SLC2A2: variants seen among roughly 807,000 people sequenced by gnomAD.
SLC2A2 encodes solute carrier family 2, facilitated glucose transporter member 2.
A neutral mutation model predicts 54.5 loss-of-function variants in SLC2A2; 36 were observed. The ratio of observed to expected loss-of-function variants is 0.66; its 90% confidence interval spans 0.51 to 0.87. The LOEUF (loss-of-function observed/expected upper bound fraction) is 0.87, where lower values mean the gene tolerates loss of function less well. Among genes scored for constraint, SLC2A2 ranks in the 40% least tolerant of loss-of-function variants. The pLI is 0.00. For missense variants in SLC2A2, 543 were observed against 624.3 expected, an observed-to-expected ratio of 0.87 and a Z score of 1.39; for synonymous variants, 223 against 219.1, an observed-to-expected ratio of 1.02 and a Z score of -0.16.
Position 170,997,727 on chromosome 3 carries a change from T to C in SLC2A2, c.*176A>G. ...AATTACAGTCTTACCATCAAAAATA[T>C]ATTCTCTAACTTAAAAAAATACTTT... On this transcript the variant is annotated 3_prime_UTR_variant, in exon 11 of 11. Coordinates refer to ENST00000314251, the MANE Select transcript of SLC2A2 (RefSeq NM_000340.2). The C allele has an allele frequency of 3.2e-6, 2 of 631,472 alleles. No homozygotes were observed. Among genetic ancestry groups the C allele is most frequent in the African/African-American group, 1.8e-5 (1 of 54,390 alleles). 39.1% of individuals were successfully genotyped at this position (631,472 alleles called of 1,614,324 possible). A position where few individuals can be genotyped will look rare whatever the true frequency, so the allele number is the denominator to read the frequency against.
intron 3 of SLC2A2, among the ~76,000 whole-genome samples, chr3:171,013,200 A>G (rs1715970565): frequency 6.6e-6 from 1 of 152,148 alleles, no homozygotes; most frequent in Non-Finnish European, 1.5e-5. Flanking sequence ...GTCTGAGCCC[A>G]CTTGCTAGGA....
rs12488694 is a variant in SLC2A2, at chr3:171,026,572, C to T, written c.15+84G>A. Reference sequence around the variant, plus strand: ...ATCTGTGGTAGCTACACCCAACCTCCCCCAAATCCTCTGTATGACTTGACT... The same window carrying T: ...ATCTGTGGTAGCTACACCCAACCTCTCCCAAATCCTCTGTATGACTTGACT... On this transcript the variant is annotated intron_variant, in intron 1 of 10. Transcript: ENST00000314251. 26,657 of 1,154,786 alleles carry T rather than the reference C, an allele frequency of 0.023. 519 individuals carry two copies. The highest frequency in any genetic ancestry group is 0.082 in the African/African-American group (5,382 of 66,022). 71.5% of individuals were successfully genotyped at this position (1,154,786 alleles called of 1,614,324 possible).
intron 7 of SLC2A2, among the ~76,000 whole-genome samples, chr3:171,004,365 T>G (rs1715483680): frequency 6.6e-6 from 1 of 151,978 alleles, no homozygotes; most frequent in Admixed American, 6.6e-5. Context: ...TTAATAAAAA[T>G]AAACATCAAG....
chr3:171,001,539 G>A (rs1408832012), intron 8 of SLC2A2, among the ~76,000 whole-genome samples: 2 of 151,926 alleles, frequency 1.3e-5, no homozygotes, highest in African/African-American at 4.8e-5. Context: ...ATCACCCTAA[G>A]GTAATAGTTA....
chr3:171,008,453 A>T, intron 4 of SLC2A2, among the ~76,000 whole-genome samples: 1 of 152,128 alleles, frequency 6.6e-6, no homozygotes. Flanking sequence ...ACAGGTCTGA[A>T]GTCACATGAA....
chr3:171,010,772 T>A (rs1715844454), intron 3 of SLC2A2, among the ~76,000 whole-genome samples: 1 of 152,128 alleles, frequency 6.6e-6, no homozygotes, highest in African/African-American at 2.4e-5. Flanking sequence ...CCAAAATCTA[T>A]AAATTATTAG....
In SLC2A2 at chr3:171,002,651, C is replaced by T. The variant is rs1715394199; in HGVS notation, c.993G>A (p.Gln331=). ...GIFYYSTSIF[Q]TAGISKPVYA... ...AAACAGGTTTGCTGATACCAGCCGTCTGAAAAATGCTGGTTGAGTAGTAAA... is the reference window on the plus strand; with the variant it reads ...AAACAGGTTTGCTGATACCAGCCGTTTGAAAAATGCTGGTTGAGTAGTAAA... The change falls in exon 8 of 11, where the codon CAG becomes CAA. Residue 331 remains glutamine, a synonymous_variant. Coordinates refer to ENST00000314251, the MANE Select transcript of SLC2A2 (RefSeq NM_000340.2). 2 of 1,608,452 alleles carry T rather than the reference C, an allele frequency of 1.2e-6. No individual in the cohort carries two copies. Among genetic ancestry groups the T allele is most frequent in the African/African-American group, 2.7e-5 (2 of 74,872 alleles).
At position 170,996,675 on chromosome 3, in the gene SLC2A2, G is replaced by A. The variant is rs181123140; in HGVS notation, c.*1228C>T. The A allele has an allele frequency of 1.0e-5, 4 of 397,908 alleles. No homozygotes were observed. The highest frequency in any genetic ancestry group is 3.6e-5 in the East Asian group (1 of 28,040). The allele number at this position is 397,908 out of a possible 1,614,324, so 24.6% of individuals were successfully genotyped here. On this transcript the variant is annotated 3_prime_UTR_variant, in exon 11 of 11. Coordinates refer to ENST00000314251, the MANE Select transcript of SLC2A2 (RefSeq NM_000340.2). Reference sequence around the variant, plus strand: ...TTCCAATTTGCCTATGTAGGTAAAGGCAGATAGATAGTGTACAATGCGTGT... The same window carrying A: ...TTCCAATTTGCCTATGTAGGTAAAGACAGATAGATAGTGTACAATGCGTGT...
At position 171,005,471 on chromosome 3, in the gene SLC2A2, G is replaced by T. The variant is rs777225980; in HGVS notation, c.777C>A (p.Ser259Arg). The part of the protein sequence containing the change: ...KLDEEVKAKQ[S>R]LKRLRGYDDV... ...CATCATATCCTCTGAGTCTTTTCAA[G>T]CCTGTCCAAGAAAATGATCAGGTTG... is the stretch of plus-strand genomic sequence containing the variant. Residue 259 changes from serine to arginine, a missense_variant and splice_region_variant, in exon 7 of 11, where the codon AGC becomes AGA. Ser to Arg is a moderately radical substitution (Grantham distance 110, BLOSUM62 -1). Transcript: ENST00000314251. 1.2e-6 allele frequency: 2 copies of T among 1,611,052 alleles called. No individual in the cohort carries two copies. Among genetic ancestry groups the T allele is most frequent in the Non-Finnish European group, 1.7e-6 (2 of 1,178,210 alleles).
intron 8 of SLC2A2, among the ~76,000 whole-genome samples, chr3:171,001,940 GA>G (rs1472758681): frequency 6.6e-6 from 1 of 150,882 alleles, no homozygotes; most frequent in African/African-American, 2.4e-5. Context: ...TTTGTTGGAA[GA>G]AAACAATAAC....
intron 1 of SLC2A2, among the ~76,000 whole-genome samples, chr3:171,025,447 A>G (rs1021303844): frequency 6.6e-6 from 1 of 151,914 alleles, no homozygotes; most frequent in Non-Finnish European, 1.5e-5. Flanking sequence ...TTACTCCCTA[A>G]CTCTAAAGTA....
intron 3 of SLC2A2, 107 bp from the exon 4 acceptor site, chr3:171,010,189 A>G: frequency 8.4e-7 from 1 of 1,192,812 alleles, no homozygotes; most frequent in Non-Finnish European, 1.2e-6. Context: ...CAATTATTTT[A>G]ATTTTGCTGT....
chr3:171,023,507 T>C (rs1427091417), intron 1 of SLC2A2, among the ~76,000 whole-genome samples: 1 of 152,168 alleles, frequency 6.6e-6, no homozygotes, highest in Non-Finnish European at 1.5e-5. Context: ...GGAGGTTTTG[T>C]TTCTAAGGGG....
At chr3:171,017,349 G>A (rs891001966) in intron 2 of SLC2A2, among the ~76,000 whole-genome samples, 25 of 152,116 alleles carry the variant, frequency 1.6e-4, no homozygotes, top group African/African-American at 6.0e-4. Flanking sequence ...ACTATGCCCT[G>A]GATCTCTCAG....
chr3:171,021,214 A>T (rs1028056861), intron 1 of SLC2A2, among the ~76,000 whole-genome samples: 3 of 152,110 alleles, frequency 2.0e-5, no homozygotes, highest in African/African-American at 7.2e-5. Flanking sequence ...AAGGATAGGG[A>T]TTTTCATCCT....
rs1008530304 is a variant in SLC2A2 at position 170,997,853 on chromosome 3, A to G, written c.*50T>C. Reference sequence around the variant, plus strand: ...GCTCAAGGAATCATCATTTAAAAACAGACGGTTCCCTTATTGTTTCTGTTC... The same window carrying G: ...GCTCAAGGAATCATCATTTAAAAACGGACGGTTCCCTTATTGTTTCTGTTC... On this transcript the variant is annotated 3_prime_UTR_variant, in exon 11 of 11. Transcript: ENST00000314251. 8 of 1,454,056 alleles carry G rather than the reference A, an allele frequency of 5.5e-6. No homozygotes were observed. Among genetic ancestry groups the G allele is most frequent in the Non-Finnish European group, 7.7e-6 (8 of 1,041,348 alleles). The allele number at this position is 1,454,056 out of a possible 1,614,324, so 90.1% of individuals were successfully genotyped here.
chr3:171,019,904 G>A (rs1215627632), intron 1 of SLC2A2, among the ~76,000 whole-genome samples: 2 of 152,198 alleles, frequency 1.3e-5, no homozygotes, highest in African/African-American at 2.4e-5. Context: ...GGAATGTGAG[G>A]TTGGAGAAGG....
rs1715079595 is a variant in SLC2A2 at position 170,996,473 on chromosome 3, C to A, written c.*1430G>T. The A allele has an allele frequency of 2.5e-6, 1 of 395,356 alleles. No homozygotes were observed. The highest frequency in any genetic ancestry group is 1.4e-4 in the South Asian group (1 of 7,232). The allele number at this position is 395,356 out of a possible 1,614,324, so 24.5% of individuals were successfully genotyped here. ...CTTAAAGAGTACTTTTTAAAAAGTG[C>A]TTTTCTTCAATACACATTAAAGCAA... is the stretch of plus-strand genomic sequence containing the variant. On this transcript the variant is annotated 3_prime_UTR_variant, in exon 11 of 11. Coordinates refer to ENST00000314251, the MANE Select transcript of SLC2A2 (RefSeq NM_000340.2).
rs1195253424 is a variant in SLC2A2 at position 170,998,028 on chromosome 3, C to T, written c.1450G>A (p.Val484Ile). The T allele has an allele frequency of 4.3e-6, 7 of 1,613,512 alleles. No individual in the cohort carries two copies. In the African/African-American group the frequency reaches 8.0e-5, roughly 18 times the overall value. ...LAFTLFTFFK[V>I]PETKGKSFEE... ...AAAGACTTTCCTTTGGTTTCTGGAA[C>T]TTTAAAAAATGTGAACAGGGTAAAG... Residue 484 changes from valine (V) to isoleucine (I), a missense_variant, in exon 11 of 11, where the codon GTT becomes ATT. By Grantham distance (29) the Val-to-Ile change is conservative (BLOSUM62 3). Coordinates refer to ENST00000314251, the MANE Select transcript of SLC2A2 (RefSeq NM_000340.2).
Sources: gnomAD v4.1 joint callset for allele counts (sites outside exome capture counted in the v4.1 genomes callset) on GRCh38, gnomAD v4.1.1 for gene constraint, MANE v1.5 for transcripts, NCBI Gene and HGNC (gene_info 2026-07-23, HGNC 2026-07-21) for gene names.